MREG: variants seen among roughly 807,000 people sequenced by gnomAD.
MREG encodes melanoregulin, also known as dilute suppressor protein homolog.
Under a neutral mutation model 28.5 loss-of-function variants are expected in MREG, and 31 were observed. The observed-to-expected ratio is 1.09, with a 90% CI of 0.82 to 1.47. MREG has a LOEUF of 1.47. MREG is among the 40% of genes most tolerant of loss of function. MREG has a pLI of 0.00. For synonymous variants in MREG, 106 were observed against 95.2 expected, an observed-to-expected ratio of 1.11 and a Z score of -0.66; for missense variants, 256 against 257.4, an observed-to-expected ratio of 0.99 and a Z score of 0.04.
Position 216,013,462 on chromosome 2 carries a change from C to A in MREG, c.-135G>T. 1 of 377,814 alleles carries A rather than the reference C, an allele frequency of 2.6e-6. No homozygotes were observed. The highest frequency in any genetic ancestry group is 1.2e-4 in the South Asian group (1 of 8,378). The allele number at this position is 377,814 out of a possible 1,614,324, so 23.4% of individuals were successfully genotyped here. A position where few individuals can be genotyped will look rare whatever the true frequency, so the allele number is the denominator to read the frequency against. On this transcript the variant is annotated 5_prime_UTR_variant, in exon 1 of 5. Transcript: ENST00000263268. Reference sequence around the variant, plus strand: ...GCAGCCCGGGCGTCGCGGGCTGGTCCGCGCGCATCACGCCGCGGCCGGGGA... The same window carrying A: ...GCAGCCCGGGCGTCGCGGGCTGGTCAGCGCGCATCACGCCGCGGCCGGGGA...
At chr2:215,953,490 A>G (rs1032994525) in intron 2 of MREG, among the ~76,000 whole-genome samples, 2 of 152,228 alleles carry the variant, frequency 1.3e-5, no homozygotes, top group Admixed American at 1.3e-4. Flanking sequence ...AACTCAAGCC[A>G]AAAGAGAGGC....
At chr2:215,998,811 G>A (rs1354798513) in intron 1 of MREG, among the ~76,000 whole-genome samples, 4 of 152,218 alleles carry the variant, frequency 2.6e-5, no homozygotes, top group Admixed American at 1.3e-4. Flanking sequence ...AATGCCTGCT[G>A]TATACTGAGT....
chr2:215,969,560 T>A (rs1043750541), intron 2 of MREG, among the ~76,000 whole-genome samples: 4 of 152,202 alleles, frequency 2.6e-5, no homozygotes, highest in Middle Eastern at 3.2e-3. Flanking sequence ...AAATGATGTG[T>A]ATACAGTAGG....
chr2:215,991,183 G>T (rs1044135198), intron 2 of MREG, among the ~76,000 whole-genome samples: 1 of 150,894 alleles, frequency 6.6e-6, no homozygotes, highest in Admixed American at 6.6e-5. Context: ...AACAGAAATC[G>T]TAACGGTCTC....
chr2:215,945,705 A>G lies in MREG; in HGVS notation c.376T>C (p.Ser126Pro). ...CTGATGGTGCTGAGTTTAGTCACTG[A>G]CAACAAAGAGTCAGCTTCCTTTTGA... The part of the protein sequence containing the change: ...GFQKEADSLL[S>P]VTKLSTISDS... Residue 126 changes from serine to proline, a missense_variant, in exon 4 of 5, where the codon TCA becomes CCA. Ser to Pro is a moderately conservative substitution (Grantham distance 74, BLOSUM62 -1). Transcript: ENST00000263268. 1.2e-6 allele frequency: 2 copies of G among 1,613,718 alleles called. No individual in the cohort carries two copies. Among genetic ancestry groups the G allele is most frequent in the South Asian group, 1.1e-5 (1 of 91,044 alleles).
chr2:216,017,183 T>A (rs1312851440), upstream of MREG, among the ~76,000 whole-genome samples: 1 of 152,220 alleles, frequency 6.6e-6, no homozygotes, highest in African/African-American at 2.4e-5. Context: ...TTTGTTTATC[T>A]AAAAGGCGTG....
chr2:216,031,428 G>GA (rs35132167), intron 1 of MREG, among the ~76,000 whole-genome samples: 1,059 of 56,712 alleles, frequency 0.019, 10 homozygotes, highest in African/African-American at 0.048. Context: ...AAGAAAGAAA[G>GA]AAAAGAAAGA....
At chr2:216,010,636 C>A (rs1694276844) in intron 1 of MREG, among the ~76,000 whole-genome samples, 1 of 151,146 alleles carries the variant, frequency 6.6e-6, no homozygotes, top group South Asian at 2.1e-4. Flanking sequence ...GGATTACAGG[C>A]GTGAGCCACC....
intron 2 of MREG, among the ~76,000 whole-genome samples, chr2:215,956,922 G>C (rs1439018250): frequency 1.3e-5 from 2 of 152,118 alleles, no homozygotes; most frequent in Non-Finnish European, 2.9e-5. Context: ...GTTACCCTAT[G>C]AGACGGATAC....
At chr2:215,946,302 C>T (rs72946728) in intron 3 of MREG, among the ~76,000 whole-genome samples, 10,386 of 151,640 alleles carry the variant, frequency 0.068, 472 homozygotes, top group Non-Finnish European at 0.11. Flanking sequence ...GAGATCCCAT[C>T]CCATCCCATT....
At chr2:215,950,952 A>G (rs1692465336) in intron 2 of MREG, among the ~76,000 whole-genome samples, 1 of 152,156 alleles carries the variant, frequency 6.6e-6, no homozygotes, top group Non-Finnish European at 1.5e-5. Flanking sequence ...TAGAGTTTTC[A>G]CAAGATCTGG....
intron 3 of MREG, among the ~76,000 whole-genome samples, 158 bp downstream of exon 3, chr2:215,946,865 T>C (rs941885323): frequency 1.3e-5 from 2 of 152,212 alleles, no homozygotes; most frequent in Non-Finnish European, 2.9e-5. Flanking sequence ...GCATTTATGC[T>C]TGAGGATATA....
chr2:215,949,078 C>A (rs59677756), intron 2 of MREG, among the ~76,000 whole-genome samples: 25,586 of 87,880 alleles, frequency 0.29, 2,425 homozygotes, highest in East Asian at 0.54. Context: ...ACTACTACTA[C>A]TACTACTACT....
intron 1 of MREG, among the ~76,000 whole-genome samples, chr2:216,008,281 T>C (rs1694213759): frequency 6.6e-6 from 1 of 152,182 alleles, no homozygotes; most frequent in Non-Finnish European, 1.5e-5. Context: ...TGTGACAGAC[T>C]AGGCACTGTT....
chr2:215,983,567 A>C (rs1243685124), intron 2 of MREG, among the ~76,000 whole-genome samples: 1 of 152,208 alleles, frequency 6.6e-6, no homozygotes, highest in Non-Finnish European at 1.5e-5. Flanking sequence ...GTCTTCACGT[A>C]CTGGGGGCAA....
intron 1 of MREG, among the ~76,000 whole-genome samples, chr2:216,032,456 C>G (rs554487261): frequency 6.6e-6 from 1 of 152,344 alleles, no homozygotes; most frequent in African/African-American, 2.4e-5. Context: ...TCCGTTGACC[C>G]AGTTGGCTTA....
At chr2:216,025,349 A>G (rs999448608) in intron 1 of MREG, among the ~76,000 whole-genome samples, 6 of 152,234 alleles carry the variant, frequency 3.9e-5, no homozygotes, top group African/African-American at 7.2e-5. Flanking sequence ...TTCTCAACTT[A>G]GAGGAGGTGC....
intron 1 of MREG, among the ~76,000 whole-genome samples, chr2:216,032,598 T>C (rs1416246056): frequency 6.6e-6 from 1 of 152,172 alleles, no homozygotes; most frequent in Admixed American, 6.5e-5. Flanking sequence ...ACATATATTC[T>C]ATTTGGGACC....
chr2:216,002,694 T>C (rs1288755015), intron 1 of MREG, among the ~76,000 whole-genome samples: 1 of 152,218 alleles, frequency 6.6e-6, no homozygotes, highest in Non-Finnish European at 1.5e-5. Context: ...CTTCCCTCTA[T>C]TGAGACCTCC....
Sources: allele counts gnomAD v4.1 joint callset (sites outside exome capture counted in the v4.1 genomes callset), GRCh38; gene constraint gnomAD v4.1.1; transcripts MANE v1.5; gene names NCBI Gene and HGNC (gene_info 2026-07-23, HGNC 2026-07-21).